Variants in DHRS2 observed in about 807,000 individuals in gnomAD.
DHRS2 encodes the protein dehydrogenase/reductase SDR family member 2, mitochondrial.
In DHRS2, 29 loss-of-function variants were observed where a neutral mutation model predicts 26.3. The observed-to-expected ratio is 1.10, with a 90% CI of 0.82 to 1.50. DHRS2 has a LOEUF of 1.50. Ranked by LOEUF, DHRS2 falls within the 40% of genes most tolerant of loss-of-function variation. The pLI, the probability that DHRS2 is intolerant of heterozygous loss-of-function variation, is 0.00. For synonymous variants in DHRS2, 164 were observed against 151.3 expected (o/e 1.08, Z -0.62); for missense variants, 439 against 367.1 (o/e 1.20, Z -1.60).
intron 1 of DHRS2, among the ~76,000 whole-genome samples, chr14:23,630,735 G>A (rs1890097089): frequency 6.6e-6 from 1 of 152,202 alleles, no homozygotes; most frequent in South Asian, 2.1e-4. Context: ...TACAGGCAGA[G>A]ACACAAATCA....
In DHRS2 at chr14:23,644,869, C is replaced by A; in HGVS notation, c.718C>A (p.His240Asn). The change falls in exon 8 of 9, where the codon CAT becomes AAT. Residue 240 changes from histidine to asparagine, a missense_variant. Coordinates refer to ENST00000250383, the MANE Select transcript of DHRS2 (RefSeq NM_005794.4). The part of the protein sequence containing the change: ...ESLWKNFKEH[H>N]QLQRIGESED... Reference sequence around the variant, plus strand: ...TCTCTGGAAGAACTTCAAGGAACATCATCAGCTGCAGAGGCAAGTGGGGTT... The same window carrying A: ...TCTCTGGAAGAACTTCAAGGAACATAATCAGCTGCAGAGGCAAGTGGGGTT... The A allele has an allele frequency of 6.2e-7, 1 of 1,614,206 alleles. No homozygotes were observed. Among genetic ancestry groups the A allele is most frequent in the Non-Finnish European group, 8.5e-7 (1 of 1,180,026 alleles).
chr14:23,639,039 C>G, intron 2 of DHRS2, 35 bp downstream of exon 2: 1 of 1,607,006 alleles, frequency 6.2e-7, no homozygotes, highest in Non-Finnish European at 8.5e-7. Context: ...CCTGGCCCCT[C>G]ACAGGGTCCT....
intron 1 of DHRS2, among the ~76,000 whole-genome samples, chr14:23,631,321 G>C (rs1385539926): frequency 6.6e-6 from 1 of 152,058 alleles, no homozygotes; most frequent in Non-Finnish European, 1.5e-5. Flanking sequence ...ACTCAAAAGG[G>C]AGGAGGGTAT....
chr14:23,644,056 C>G, intron 5 of DHRS2, 55 bp from the exon 6 acceptor site: 1 of 1,547,748 alleles, frequency 6.5e-7, no homozygotes, highest in Non-Finnish European at 8.9e-7. Flanking sequence ...ATGATAGTGT[C>G]ACCATCAGTG....
intron 7 of DHRS2, 129 bp from the exon 8 acceptor site, chr14:23,644,698 A>G (rs1469537896): frequency 4.7e-6 from 7 of 1,484,164 alleles, no homozygotes; most frequent in African/African-American, 1.4e-5. Context: ...CAGTCCATCC[A>G]TCCTGAAAAG....
upstream of DHRS2, among the ~76,000 whole-genome samples, chr14:23,635,156 G>C (rs899033959): frequency 5.3e-5 from 8 of 151,862 alleles, no homozygotes; most frequent in African/African-American, 1.9e-4. Flanking sequence ...TTGACCTCCT[G>C]GGCTCAAGCA....
upstream of DHRS2, among the ~76,000 whole-genome samples, chr14:23,632,239 AGAG>A (rs1451974226): frequency 2.6e-5 from 4 of 152,200 alleles, no homozygotes; most frequent in South Asian, 8.3e-4. Flanking sequence ...CAGCAGAAGG[AGAG>A]GAGTTCCCCA....
At chr14:23,637,578 G>A (rs1490393706) in intron 1 of DHRS2, among the ~76,000 whole-genome samples, 2 of 152,068 alleles carry the variant, frequency 1.3e-5, no homozygotes, top group East Asian at 1.9e-4. Context: ...TATAGGACAC[G>A]GGTAAGTTCC....
In DHRS2 at chr14:23,643,166, C is replaced by T. The variant is rs756991174; in HGVS notation, c.435C>T (p.Asn145=). The change falls in exon 5 of 9, where the codon AAC becomes AAT. Residue 145 remains asparagine (N), a synonymous_variant. Transcript: ENST00000250383. The part of the protein sequence containing the change: ...EQIWDKILSV[N]VKSPALLLSQ... ...TCTGATTTCAGATCCTAAGTGTGAA[C>T]GTGAAGTCCCCAGCCCTGCTGCTGA... 2.8e-5 allele frequency: 45 copies of T among 1,613,968 alleles called. No individual in the cohort carries two copies. Among genetic ancestry groups the T allele is most frequent in the East Asian group, 1.1e-4 (5 of 44,894 alleles).
At chr14:23,636,214 T>G (rs1229986493), upstream of DHRS2, 1 of 151,526 alleles carries the variant, frequency 6.6e-6, no homozygotes, top group Non-Finnish European at 1.5e-5. Context: ...CAATCAGCAC[T>G]CTGTCAAAAC....
upstream of DHRS2, among the ~76,000 whole-genome samples, chr14:23,634,584 A>G (rs944127322): frequency 6.6e-6 from 1 of 152,130 alleles, no homozygotes; most frequent in Non-Finnish European, 1.5e-5. Context: ...TCAACAGTAT[A>G]TTTTTTAAGA....
chr14:23,644,979 G>T (rs76993539), intron 8 of DHRS2, 97 bp downstream of exon 8: 2 of 1,566,320 alleles, frequency 1.3e-6, no homozygotes, highest in South Asian at 1.1e-5. Flanking sequence ...TCTGGCCATT[G>T]TTTTTGCTGA....
At chr14:23,644,362 TC>T in intron 6 of DHRS2, 46 bp from the exon 7 acceptor site, 1 of 1,609,846 alleles carries the variant, frequency 6.2e-7, no homozygotes. Flanking sequence ...ACTGATGCTT[TC>T]CCCCACTCTC....
At chr14:23,634,807 C>G (rs975443639), upstream of DHRS2, among the ~76,000 whole-genome samples, 16 of 152,144 alleles carry the variant, frequency 1.1e-4, no homozygotes, top group African/African-American at 3.9e-4. Flanking sequence ...GTGATTGGAT[C>G]ATGGGGGCAG....
At chr14:23,634,755 G>A (rs940685404), upstream of DHRS2, among the ~76,000 whole-genome samples, 1 of 152,068 alleles carries the variant, frequency 6.6e-6, no homozygotes. Flanking sequence ...ATCTCATGTC[G>A]AATTGTAATC....
chr14:23,639,938 A>G, intron 4 of DHRS2, 43 bp downstream of exon 4: 1 of 1,476,634 alleles, frequency 6.8e-7, no homozygotes, highest in Non-Finnish European at 9.1e-7. Context: ...GCCCGATTCC[A>G]GCTCTGCACT....
chr14:23,634,059 C>CTTTTTTTTTTT (rs58045171), upstream of DHRS2, among the ~76,000 whole-genome samples: 1 of 82,450 alleles, frequency 1.2e-5, no homozygotes, highest in African/African-American at 4.8e-5. Flanking sequence ...TTTGCCCCTT[C>CTTTTTTTTTTT]TTTTTTTTTT....
chr14:23,634,584 A>T (rs944127322), upstream of DHRS2, among the ~76,000 whole-genome samples: 4 of 152,248 alleles, frequency 2.6e-5, no homozygotes, highest in Non-Finnish European at 5.9e-5. Flanking sequence ...TCAACAGTAT[A>T]TTTTTTAAGA....
chr14:23,644,478 G>A lies in DHRS2; in HGVS notation c.610G>A (p.Ala204Thr), dbSNP rs751752790. The A allele has an allele frequency of 4.3e-6, 7 of 1,614,074 alleles. No individual in the cohort carries two copies. Among genetic ancestry groups the A allele is most frequent in the African/African-American group, 2.7e-5 (2 of 74,930 alleles). The change falls in exon 7 of 9, where the codon GCC (alanine) becomes ACC (threonine). Residue 204 changes from alanine (A) to threonine (T), a missense_variant. By Grantham distance (58) the Ala-to-Thr change is moderately conservative (BLOSUM62 0). Coordinates refer to ENST00000250383, the MANE Select transcript of DHRS2 (RefSeq NM_005794.4). ...GLTRTLALEL[A>T]PKDIRVNCVV... is the part of the protein sequence containing the mutation. ...CACTAGAACACTGGCATTGGAGCTG[G>A]CCCCCAAGGACATCCGGGTAAACTG...
Sources: gnomAD v4.1 joint callset for allele counts (sites outside exome capture counted in the v4.1 genomes callset) on GRCh38, gnomAD v4.1.1 for gene constraint, MANE v1.5 for transcripts, NCBI Gene and HGNC (gene_info 2026-07-23, HGNC 2026-07-21) for gene names.